Variants in MME observed in about 807,000 individuals in gnomAD.
MME encodes membrane metalloendopeptidase.
Under a neutral mutation model 113.2 loss-of-function variants are expected in MME, and 98 were observed. The ratio of observed to expected loss-of-function variants is 0.87; its 90% CI spans 0.74 to 1.02. The LOEUF (loss-of-function observed/expected upper bound fraction) is 1.02. Ranked by LOEUF, MME falls within the 50% of genes least tolerant of loss-of-function variation. The pLI is 0.00. For missense variants in MME, 836 were observed against 896.0 expected (o/e 0.93, Z 0.86); for synonymous variants, 292 against 300.6 (o/e 0.97, Z 0.30).
intron 8 of MME, among the ~76,000 whole-genome samples, chr3:155,132,960 G>C (rs1408047818): frequency 7.0e-6 from 1 of 143,168 alleles, no homozygotes; most frequent in African/African-American, 2.6e-5. Context: ...AGAATCACTT[G>C]AACCCAGGAC....
At chr3:155,145,857 G>T (rs1349160359) in intron 14 of MME, among the ~76,000 whole-genome samples, 1 of 152,110 alleles carries the variant, frequency 6.6e-6, no homozygotes, top group African/African-American at 2.4e-5. Flanking sequence ...TTAAGTGGGG[G>T]CTGGATTGTC....
chr3:155,056,908 A>T (rs1713949383), intron 1 of MME, among the ~76,000 whole-genome samples: 1 of 152,150 alleles, frequency 6.6e-6, no homozygotes, highest in South Asian at 2.1e-4. Flanking sequence ...GAAAGCTGAA[A>T]CTGGATCCCT....
intron 3 of MME, among the ~76,000 whole-genome samples, chr3:155,091,626 C>A (rs1250919019): frequency 1.3e-5 from 2 of 152,092 alleles, no homozygotes; most frequent in Non-Finnish European, 2.9e-5. Flanking sequence ...GTTGAAGGAT[C>A]CTGTTTTGTC....
chr3:155,151,939 C>A (rs935451942), intron 16 of MME, among the ~76,000 whole-genome samples: 2 of 148,368 alleles, frequency 1.3e-5, no homozygotes, highest in Non-Finnish European at 2.9e-5. Flanking sequence ...CCTTCTATAT[C>A]TTCAGTTTAT....
chr3:155,093,521 C>G (rs540392048), intron 3 of MME, among the ~76,000 whole-genome samples: 1 of 152,124 alleles, frequency 6.6e-6, no homozygotes, highest in Non-Finnish European at 1.5e-5. Context: ...GTTTTTCACA[C>G]AGGTGCTGCG....
rs754501230 is a variant in MME, at chr3:155,168,847, A to G, written c.1980+50A>G. The G allele has an allele frequency of 2.7e-6, 4 of 1,463,638 alleles. No individual in the cohort carries two copies. In the Admixed American group the frequency reaches 7.0e-5, roughly 25 times the overall value. The allele number at this position is 1,463,638 out of a possible 1,614,324, so 90.7% of individuals were successfully genotyped here. A position where few individuals can be genotyped will look rare whatever the true frequency, so the allele number is the denominator to read the frequency against. ...ATTTTAGTGATTTAGAGTGTTTCTC[A>G]TATTTAATAATTCATTTAAAACCTT... On this transcript the variant is annotated intron_variant, in intron 20 of 22. Coordinates refer to ENST00000360490, the MANE Select transcript of MME (RefSeq NM_007289.4).
At chr3:155,106,701 C>A (rs1717718277) in intron 3 of MME, among the ~76,000 whole-genome samples, 1 of 152,136 alleles carries the variant, frequency 6.6e-6, no homozygotes, top group East Asian at 1.9e-4. Context: ...AATAGGGTCA[C>A]TTGTACTTTT....
intron 8 of MME, among the ~76,000 whole-genome samples, chr3:155,119,786 T>C (rs1180663784): frequency 1.5e-5 from 2 of 135,810 alleles, no homozygotes; most frequent in Non-Finnish European, 3.1e-5. Context: ...GGTGTATATG[T>C]GCCACATTTT....
intron 22 of MME, among the ~76,000 whole-genome samples, chr3:155,179,297 G>A (rs989396364): frequency 5.3e-5 from 8 of 152,156 alleles, no homozygotes; most frequent in Admixed American, 5.2e-4. Flanking sequence ...GAGGAGACTG[G>A]AGCCATCAGG....
intron 7 of MME, among the ~76,000 whole-genome samples, chr3:155,117,599 G>GTTT (rs5853715): frequency 7.6e-6 from 1 of 131,436 alleles, no homozygotes; most frequent in African/African-American, 2.9e-5. Flanking sequence ...TTTTTTTTTT[G>GTTT]TTTTTTTTTT....
chr3:155,080,665 G>A (rs1715058528), intron 1 of MME, among the ~76,000 whole-genome samples, 199 bp downstream of exon 1: 1 of 152,134 alleles, frequency 6.6e-6, no homozygotes, highest in Non-Finnish European at 1.5e-5. Flanking sequence ...GTAGATGAAA[G>A]TTTAAGACCT....
chr3:155,056,433 G>A (rs911471075), intron 1 of MME, among the ~76,000 whole-genome samples: 37 of 149,494 alleles, frequency 2.5e-4, no homozygotes, highest in African/African-American at 9.1e-4. Flanking sequence ...GCAGTGTTTG[G>A]TTTTTTGTTC....
upstream of MME, among the ~76,000 whole-genome samples, chr3:155,075,678 A>G (rs1171908983): frequency 6.6e-6 from 1 of 152,156 alleles, no homozygotes; most frequent in Admixed American, 6.6e-5. Flanking sequence ...CTTTCCAACA[A>G]CATAAGTAAG....
chr3:155,097,267 G>C (rs552256630), intron 3 of MME, among the ~76,000 whole-genome samples: 2 of 152,312 alleles, frequency 1.3e-5, no homozygotes, highest in Non-Finnish European at 2.9e-5. Context: ...ATATGGTTGA[G>C]ATTTCTTAGG....
At chr3:155,171,292 C>T (rs2108372492) in intron 20 of MME, among the ~76,000 whole-genome samples, 1 of 152,236 alleles carries the variant, frequency 6.6e-6, no homozygotes, top group South Asian at 2.1e-4. Context: ...CAAGCCTTTC[C>T]CATATCCCCA....
chr3:155,075,005 T>C (rs943436695), upstream of MME, among the ~76,000 whole-genome samples: 1 of 152,036 alleles, frequency 6.6e-6, no homozygotes, highest in African/African-American at 2.4e-5. Flanking sequence ...AGATCTTCTA[T>C]ATCCTTACTG....
In MME at chr3:155,117,129, C is replaced by T. The variant is rs1718690965; in HGVS notation, c.654+143C>T. The T allele has an allele frequency of 4.6e-6, 3 of 649,318 alleles. No homozygotes were observed. The South Asian group carries it at 5.3e-5, about 11-fold the overall frequency. The allele number at this position is 649,318 out of a possible 1,614,324, so 40.2% of individuals were successfully genotyped here. A position where few individuals can be genotyped will look rare whatever the true frequency, so the allele number is the denominator to read the frequency against. Reference sequence around the variant, plus strand: ...GAGGTAGTATATCCATGCTCTGTCCCTAATACCTGGAGTTCCAATTTTGAA... The same window carrying T: ...GAGGTAGTATATCCATGCTCTGTCCTTAATACCTGGAGTTCCAATTTTGAA... On this transcript the variant is annotated intron_variant, in intron 7 of 22. Coordinates refer to ENST00000360490, the MANE Select transcript of MME (RefSeq NM_007289.4).
chr3:155,088,972 G>C (rs1716038332), intron 3 of MME, among the ~76,000 whole-genome samples: 1 of 152,166 alleles, frequency 6.6e-6, no homozygotes, highest in South Asian at 2.1e-4. Flanking sequence ...GCCATACCAA[G>C]ACAGAAGTAA....
chr3:155,173,231 G>A (rs1250296744), intron 22 of MME, among the ~76,000 whole-genome samples: 2 of 151,902 alleles, frequency 1.3e-5, no homozygotes, highest in African/African-American at 4.8e-5. Flanking sequence ...TAGATCCTAT[G>A]TATTTGTTTA....
Sources: gnomAD v4.1 joint callset for allele counts (sites outside exome capture counted in the v4.1 genomes callset) on GRCh38, gnomAD v4.1.1 for gene constraint, MANE v1.5 for transcripts, NCBI Gene and HGNC (gene_info 2026-07-23, HGNC 2026-07-21) for gene names.